The following CLASP2 variants were observed in gnomAD, a reference collection of about 807,000 sequenced individuals.
CLASP2 encodes cytoplasmic linker associated protein 2, also known as CLIP-associating protein 2.
In CLASP2, 47 loss-of-function variants were observed where a neutral mutation model predicts 194.4. The ratio of observed to expected loss-of-function variants is 0.24; its 90% confidence interval spans 0.19 to 0.31. The LOEUF (loss-of-function observed/expected upper bound fraction) is 0.31, where lower values mean the gene tolerates loss of function less well. CLASP2 is among the 10% of genes least tolerant of loss of function. CLASP2 has a pLI of 1.00. For missense variants in CLASP2, 1,445 were observed against 1,823.6 expected, an observed-to-expected ratio of 0.79 and a Z score of 3.78; for synonymous variants, 619 against 633.5, an observed-to-expected ratio of 0.98 and a Z score of 0.34.
At chr3:33,687,312 C>G (rs1220222962) in intron 4 of CLASP2, among the ~76,000 whole-genome samples, 177 bp from the exon 5 acceptor site, 1 of 151,152 alleles carries the variant, frequency 6.6e-6, no homozygotes, top group Non-Finnish European at 1.5e-5. Context: ...AGCAATGTAG[C>G]AAAAAATAAT....
chr3:33,529,956 G>C (rs935988850), intron 34 of CLASP2, among the ~76,000 whole-genome samples: 3 of 144,062 alleles, frequency 2.1e-5, no homozygotes, highest in Non-Finnish European at 4.5e-5. Context: ...CCGCAGTCCG[G>C]GCTGGGCGAC....
intron 26 of CLASP2, 92 bp downstream of exon 26, chr3:33,570,635 C>T (rs2063553647): frequency 6.9e-7 from 1 of 1,451,502 alleles, no homozygotes; most frequent in Non-Finnish European, 9.4e-7. Flanking sequence ...CATTTTGGGA[C>T]AATAAAATAA....
At chr3:33,538,547 C>T (rs994184437) in intron 33 of CLASP2, among the ~76,000 whole-genome samples, 6 of 152,060 alleles carry the variant, frequency 3.9e-5, no homozygotes, top group African/African-American at 7.2e-5. Context: ...ACATTCTATC[C>T]TAAAACTCTA....
Position 33,544,739 on chromosome 3 carries a change from G to A in CLASP2, c.3256C>T (p.Leu1086Phe). 1 of 1,613,212 alleles carries A rather than the reference G, an allele frequency of 6.2e-7. No homozygotes were observed. The highest frequency in any genetic ancestry group is 8.5e-7 in the Non-Finnish European group (1 of 1,179,534). Residue 1086 changes from leucine (L) to phenylalanine (F), a missense_variant, in exon 31 of 39, where the codon CTT (leucine) becomes TTT (phenylalanine). Physicochemically the swap from Leu to Phe is conservative, Grantham distance 22 (BLOSUM62 0). Around this residue, in one of 4 missense-constraint regions of CLASP2, gnomAD observed 732 missense variants for 987.9 expected, o/e 0.74. Coordinates refer to ENST00000682230, the MANE Select transcript of CLASP2 (RefSeq NM_001365631.1). The stretch of plus-strand genomic sequence containing the variant: ...GTGTTTCGAAGGTGATTATGAAGAA[G>A]CTTGGTAGCACCATCCTGAAAAGTT... ...PKTFQDGATK[L>F]LHNHLRNTGN...
intron 1 of CLASP2, among the ~76,000 whole-genome samples, chr3:33,715,609 T>C (rs1575820424): frequency 6.6e-6 from 1 of 152,110 alleles, no homozygotes; most frequent in South Asian, 2.1e-4. Context: ...GAATGGGCCT[T>C]GTCTTGTTCA....
chr3:33,557,858 G>T (rs1292390257), intron 29 of CLASP2, among the ~76,000 whole-genome samples: 1 of 152,174 alleles, frequency 6.6e-6, no homozygotes, highest in East Asian at 1.9e-4. Context: ...ATGCCAAAAG[G>T]AAAGTTAAGC....
At chr3:33,553,433 T>C (rs1218117147) in intron 29 of CLASP2, among the ~76,000 whole-genome samples, 2 of 152,164 alleles carry the variant, frequency 1.3e-5, no homozygotes, top group African/African-American at 4.8e-5. Flanking sequence ...GGAGAAAATA[T>C]TGTACTGTAA....
chr3:33,691,981 C>A (rs1039055438), intron 2 of CLASP2, among the ~76,000 whole-genome samples: 1 of 151,984 alleles, frequency 6.6e-6, no homozygotes, highest in African/African-American at 2.4e-5. Context: ...ATCAGCCTGG[C>A]CAAAATGACA....
chr3:33,707,236 A>G (rs1039593177), intron 1 of CLASP2, among the ~76,000 whole-genome samples: 2 of 152,206 alleles, frequency 1.3e-5, no homozygotes, highest in African/African-American at 4.8e-5. Context: ...TTTGAATATC[A>G]AAAAGGATAG....
intron 7 of CLASP2, among the ~76,000 whole-genome samples, chr3:33,657,160 T>G (rs1379395246): frequency 6.6e-6 from 1 of 152,156 alleles, no homozygotes; most frequent in Admixed American, 6.5e-5. Flanking sequence ...AGGGGCAGTA[T>G]AATCCATTTG....
Position 33,549,742 on chromosome 3 carries a change from C to CTT in CLASP2, c.3153+1508_3153+1509dup, listed in dbSNP as rs139359537. On this transcript the variant is annotated intron_variant, in intron 30 of 38. Transcript: ENST00000682230. ...AATGTATATTCTGTGTACTTTTTTTCTTTTTTTTTTTTTTAAGATAAGGTC... is the reference window on the plus strand; with the variant it reads ...AATGTATATTCTGTGTACTTTTTTTCTTTTTTTTTTTTTTTTAAGATAAGGTC... Among the ~76,000 whole-genome samples the CTT allele has an allele frequency of 7.4e-3, 1,049 of 142,284 alleles. 8 individuals are homozygous for CTT. The highest frequency in any genetic ancestry group is 0.013 in the Non-Finnish European group (823 of 65,188). The allele number at this position is 142,284 out of a possible 152,430, so 93.3% of individuals were successfully genotyped here.
At chr3:33,682,669 GA>G (rs1159061896) in intron 6 of CLASP2, among the ~76,000 whole-genome samples, 1 of 152,136 alleles carries the variant, frequency 6.6e-6, no homozygotes, top group Non-Finnish European at 1.5e-5. Context: ...TGATACACTA[GA>G]AGATTATCAG....
intron 31 of CLASP2, among the ~76,000 whole-genome samples, chr3:33,544,425 T>A (rs1193732013): frequency 6.6e-6 from 1 of 152,182 alleles, no homozygotes; most frequent in Non-Finnish European, 1.5e-5. Flanking sequence ...GGTGCTCTCA[T>A]CTATGTTTTG....
At chr3:33,570,909 C>T in intron 25 of CLASP2, 119 bp from the exon 26 acceptor site, 1 of 887,618 alleles carries the variant, frequency 1.1e-6, no homozygotes, top group Middle Eastern at 3.6e-4. Context: ...GGCATGGTGG[C>T]TCACGCCTAT....
chr3:33,649,647 G>C (rs2082855407), intron 7 of CLASP2, among the ~76,000 whole-genome samples: 1 of 152,146 alleles, frequency 6.6e-6, no homozygotes, highest in Admixed American at 6.5e-5. Context: ...GGGGCAAAGG[G>C]AACAGAATTC....
chr3:33,656,228 T>A (rs2084183887), intron 7 of CLASP2, among the ~76,000 whole-genome samples: 1 of 152,224 alleles, frequency 6.6e-6, no homozygotes, highest in Admixed American at 6.5e-5. Context: ...ATCTTTCACA[T>A]GGTCTTGAAG....
intron 34 of CLASP2, among the ~76,000 whole-genome samples, chr3:33,534,852 C>G (rs762602515): frequency 3.9e-5 from 6 of 152,106 alleles, no homozygotes; most frequent in Non-Finnish European, 8.8e-5. Context: ...AAGTTTATGA[C>G]TTCATGCTTA....
intron 6 of CLASP2, among the ~76,000 whole-genome samples, chr3:33,681,798 A>G (rs59220529): frequency 3.3e-4 from 50 of 152,296 alleles, no homozygotes; most frequent in African/African-American, 1.2e-3. Context: ...TCTGATCTCT[A>G]ACGTTGGAGG....
At chr3:33,588,447 C>T (rs916692784) in intron 21 of CLASP2, among the ~76,000 whole-genome samples, 3 of 152,128 alleles carry the variant, frequency 2.0e-5, no homozygotes, top group Admixed American at 1.3e-4. Context: ...GTTTTTATAG[C>T]ATTTCAAAGC....
Sources: allele counts gnomAD v4.1 joint callset (sites outside exome capture counted in the v4.1 genomes callset), GRCh38; gene constraint gnomAD v4.1.1; regional missense constraint gnomAD v4.1.1; transcripts MANE v1.5; gene names NCBI Gene and HGNC (gene_info 2026-07-23, HGNC 2026-07-21).